The following KCNJ9 variants were observed in gnomAD, a reference collection of about 807,000 sequenced individuals.
KCNJ9 encodes the protein G protein-activated inward rectifier potassium channel 3.
A neutral mutation model predicts 27.9 loss-of-function variants in KCNJ9; 18 were observed. The observed-to-expected ratio is 0.65, with a 90% CI of 0.45 to 0.96. The LOEUF (loss-of-function observed/expected upper bound fraction) is 0.96. Among genes scored for constraint, KCNJ9 ranks in the 40% least tolerant of loss-of-function variants. KCNJ9 has a pLI of 0.00. For synonymous variants in KCNJ9, 229 were observed against 248.2 expected (o/e 0.92, Z 0.73); for missense variants, 324 against 557.5 (o/e 0.58, Z 4.22).
intron 2 of KCNJ9, among the ~76,000 whole-genome samples, chr1:160,086,354 C>A (rs1649776796): frequency 1.3e-5 from 2 of 152,154 alleles, no homozygotes; most frequent in South Asian, 4.1e-4. Flanking sequence ...AGGGGTGCAC[C>A]AGCCCAACAG....
intron 2 of KCNJ9, among the ~76,000 whole-genome samples, chr1:160,086,960 G>T (rs746403203): frequency 1.3e-5 from 2 of 152,224 alleles, no homozygotes; most frequent in Non-Finnish European, 2.9e-5. Context: ...CCTGTTTTCA[G>T]ATACTCAGAG....
At position 160,089,957 on chromosome 1, in the gene KCNJ9, T is replaced by G. The variant is rs1649868032; in HGVS notation, c.*2140T>G. ...AGGGTCCTATGGGGCACAGCCAGGG[T>G]CCTATGGGCATAGCCAGGGCCCTAT... On this transcript the variant is annotated 3_prime_UTR_variant, in exon 3 of 3. Transcript: ENST00000368088. The G allele has an allele frequency of 6.6e-6, 1 of 152,142 alleles. No individual in the cohort carries two copies. Among genetic ancestry groups the G allele is most frequent in the Non-Finnish European group, 1.5e-5 (1 of 68,080 alleles). The allele number at this position is 152,142 out of a possible 1,614,324, so 9.4% of individuals were successfully genotyped here.
intron 1 of KCNJ9, among the ~76,000 whole-genome samples, chr1:160,083,532 G>GC (rs957223328): frequency 1.3e-5 from 2 of 152,040 alleles, no homozygotes; most frequent in African/African-American, 4.8e-5. Flanking sequence ...TTACCCGCCT[G>GC]CCCCCCTCCC....
At position 160,084,421 on chromosome 1, in the gene KCNJ9, C is replaced by A; in HGVS notation, c.391C>A (p.Gln131Lys). The A allele has an allele frequency of 2.5e-6, 4 of 1,613,614 alleles. No homozygotes were observed. The highest frequency in any genetic ancestry group is 3.4e-6 in the Non-Finnish European group (4 of 1,179,892). ...IGYGHRVITD[Q>K]CPEGIVLLLL... ...CTACGGGCACCGCGTCATCACCGAC[C>A]AGTGCCCCGAGGGCATCGTGCTGCT... Residue 131 changes from glutamine to lysine, a missense_variant, in exon 2 of 3, where the codon CAG becomes AAG. Physicochemically the swap from Gln to Lys is moderately conservative, Grantham distance 53. Coordinates refer to ENST00000368088, the MANE Select transcript of KCNJ9 (RefSeq NM_004983.3).
rs116253846 is a variant in KCNJ9 at position 160,087,571 on chromosome 1, C to A, written c.936C>A (p.Asp312Glu). ...TCACGTCAGTGCTGACTCTGGAGGA[C>A]GGCTTCTACGAAGTGGACTATGCCA... ...HRFTSVLTLEDGFYEVDYASF... is the reference protein window; with the variant it reads ...HRFTSVLTLEEGFYEVDYASF... The change falls in exon 3 of 3, where the codon GAC becomes GAA. Residue 312 changes from aspartate to glutamate, a missense_variant. Coordinates refer to ENST00000368088, the MANE Select transcript of KCNJ9 (RefSeq NM_004983.3). The A allele has an allele frequency of 1.2e-6, 2 of 1,613,732 alleles. No individual in the cohort carries two copies. The highest frequency in any genetic ancestry group is 2.7e-5 in the African/African-American group (2 of 74,904).
At chr1:160,087,340 A>T in intron 2 of KCNJ9, 146 bp from the exon 3 acceptor site, 1 of 1,239,330 alleles carries the variant, frequency 8.1e-7, no homozygotes, top group Non-Finnish European at 1.0e-6. Context: ...GGAGCTAGGG[A>T]GGGGGGGAAA....
chr1:160,082,504 AACAC>A (rs141075083), intron 1 of KCNJ9, among the ~76,000 whole-genome samples: 1 of 151,234 alleles, frequency 6.6e-6, no homozygotes, highest in Admixed American at 6.6e-5. Flanking sequence ...AAGACACACA[AACAC>A]ACACACACAC....
intron 2 of KCNJ9, 132 bp from the exon 3 acceptor site, chr1:160,087,354 A>G (rs975140339): frequency 1.1e-5 from 15 of 1,325,310 alleles, no homozygotes; most frequent in Non-Finnish European, 1.5e-5. Context: ...GGGGAAATGG[A>G]CTGGACCAAA....
At chr1:160,085,966 T>C (rs895048535) in intron 2 of KCNJ9, among the ~76,000 whole-genome samples, 2 of 152,144 alleles carry the variant, frequency 1.3e-5, no homozygotes, top group African/African-American at 4.8e-5. Flanking sequence ...ACCCCGACTC[T>C]TTCCTCTTCC....
At position 160,090,034 on chromosome 1, in the gene KCNJ9, G is replaced by A. The variant is rs1649870011; in HGVS notation, c.*2217G>A. 1 of 152,298 alleles carries A rather than the reference G, an allele frequency of 6.6e-6. No homozygotes were observed. The highest frequency in any genetic ancestry group is 1.5e-5 in the Non-Finnish European group (1 of 68,128). 9.4% of individuals were successfully genotyped at this position (152,298 alleles called of 1,614,324 possible). A position where few individuals can be genotyped will look rare whatever the true frequency, so the allele number is the denominator to read the frequency against. The stretch of plus-strand genomic sequence containing the variant: ...CCATGGAAGCAGCCCAGACAGCTGG[G>A]GTTCACTCAGAGAGGACCCAAGTCC... On this transcript the variant is annotated 3_prime_UTR_variant, in exon 3 of 3. Coordinates refer to ENST00000368088, the MANE Select transcript of KCNJ9 (RefSeq NM_004983.3).
intron 1 of KCNJ9, among the ~76,000 whole-genome samples, chr1:160,083,498 G>A (rs2101944899): frequency 6.6e-6 from 1 of 152,268 alleles, no homozygotes; most frequent in Non-Finnish European, 1.5e-5. Context: ...GATGGTGGAA[G>A]TCCTTAGGGC....
In KCNJ9 at chr1:160,084,509, A is replaced by G. The variant is rs1432216741; in HGVS notation, c.479A>G (p.Lys160Arg). The stretch of plus-strand genomic sequence containing the variant: ...TTCATGGTGGGCTGCATGTTCGTCA[A>G]GATCTCGCAGCCCAACAAGCGCGCA... ...NAFMVGCMFVKISQPNKRAAT... is the reference protein window; with the variant it reads ...NAFMVGCMFVRISQPNKRAAT... The change falls in exon 2 of 3, where the codon AAG (lysine) becomes AGG (arginine). Residue 160 changes from lysine (K) to arginine (R), a missense_variant. Lys to Arg is a conservative substitution (Grantham distance 26). This residue lies in a region of KCNJ9 where 241 missense variants were observed against 481.7 expected (regional missense o/e 0.50). Transcript: ENST00000368088. The G allele has an allele frequency of 3.1e-6, 5 of 1,613,194 alleles. No individual in the cohort carries two copies. The highest frequency in any genetic ancestry group is 4.2e-6 in the Non-Finnish European group (5 of 1,179,834).
At chr1:160,085,774 T>G (rs1029841258) in intron 2 of KCNJ9, among the ~76,000 whole-genome samples, 2 of 152,178 alleles carry the variant, frequency 1.3e-5, no homozygotes, top group Admixed American at 6.5e-5. Flanking sequence ...AAACTGCGGG[T>G]GGAGGACCAA....
At chr1:160,082,788 A>G (rs962258563) in intron 1 of KCNJ9, among the ~76,000 whole-genome samples, 1 of 152,182 alleles carries the variant, frequency 6.6e-6, no homozygotes, top group African/African-American at 2.4e-5. Flanking sequence ...TGTATGGTCC[A>G]TATCTCCTAG....
rs369147811 is a variant in KCNJ9, at chr1:160,083,064, T to C, written c.-114-853T>C. ...ACCTGATCTGATTCCATGTCTCTCA[T>C]GAAGAATAGGATCCCAGAGGGATAC... is the stretch of plus-strand genomic sequence containing the variant. On this transcript the variant is annotated intron_variant, in intron 1 of 2. Transcript: ENST00000368088. 2.8e-4 allele frequency among the ~76,000 whole-genome samples: 43 copies of C among 152,314 alleles called. 1 individual carries two copies. The highest frequency in any genetic ancestry group is 1.0e-3 in the African/African-American group (43 of 41,564).
intron 1 of KCNJ9, among the ~76,000 whole-genome samples, chr1:160,083,366 G>A (rs1649713798): frequency 6.6e-6 from 1 of 152,214 alleles, no homozygotes; most frequent in Non-Finnish European, 1.5e-5. Context: ...AGGGAATGGA[G>A]CGGAGTGAGT....
Position 160,084,846 on chromosome 1 carries a change from C to A in KCNJ9, c.816C>A (p.Ile272=). ...RRALERDDFE[I]VVILEGMVEA... Reference sequence around the variant, plus strand: ...CCCTCGAGAGGGACGACTTCGAGATCGTCGTTATCCTCGAGGGCATGGTGG... The same window carrying A: ...CCCTCGAGAGGGACGACTTCGAGATAGTCGTTATCCTCGAGGGCATGGTGG... The change falls in exon 2 of 3, where the codon ATC becomes ATA. Residue 272 remains isoleucine, a synonymous_variant. Coordinates refer to ENST00000368088, the MANE Select transcript of KCNJ9 (RefSeq NM_004983.3). 1.3e-6 allele frequency: 2 copies of A among 1,538,074 alleles called. No homozygotes were observed. Among genetic ancestry groups the A allele is most frequent in the South Asian group, 1.2e-5 (1 of 83,842 alleles).
chr1:160,083,057 T>A (rs1649709855), intron 1 of KCNJ9, among the ~76,000 whole-genome samples: 1 of 152,152 alleles, frequency 6.6e-6, no homozygotes, highest in Non-Finnish European at 1.5e-5. Flanking sequence ...TGATTCCATG[T>A]CTCTCATGAA....
intron 1 of KCNJ9, among the ~76,000 whole-genome samples, chr1:160,083,456 T>C (rs1311796210): frequency 6.6e-6 from 1 of 152,112 alleles, no homozygotes; most frequent in Non-Finnish European, 1.5e-5. Flanking sequence ...AGGAGAGCCA[T>C]TGGTGGCTGC....
Sources: allele counts gnomAD v4.1 joint callset (sites outside exome capture counted in the v4.1 genomes callset), GRCh38; gene constraint gnomAD v4.1.1; regional missense constraint gnomAD v4.1.1; transcripts MANE v1.5; gene names NCBI Gene and HGNC (gene_info 2026-07-23, HGNC 2026-07-21).